The following GRK6 variants were observed in gnomAD, a reference collection of about 807,000 sequenced individuals.
The protein encoded by GRK6 is G protein-coupled receptor kinase 6.
A neutral mutation model predicts 80.8 loss-of-function variants in GRK6; 37 were observed. That is an observed-to-expected ratio of 0.46 (90% confidence interval 0.35 to 0.60). GRK6 has a LOEUF of 0.60. Among genes scored for constraint, GRK6 ranks in the 20% least tolerant of loss-of-function variants. The pLI is 0.00. For synonymous variants in GRK6, 295 were observed against 320.9 expected (o/e 0.92, Z 0.86); for missense variants, 560 against 784.6 (o/e 0.71, Z 3.42).
Position 177,429,679 on chromosome 5 carries a change from A to C in GRK6, c.53-1193A>C, listed in dbSNP as rs1021519311. On this transcript the variant is annotated intron_variant, in intron 1 of 15. Transcript: ENST00000355472. The surrounding 1 kb of genome is among the most constrained non-coding windows in gnomAD (Gnocchi z 4.3). ...AGAAGGCAACTTCTGCCCTTGTACC[A>C]CCTGCCCTCACCCAGGCCAGATGGA... Among the ~76,000 whole-genome samples the C allele has an allele frequency of 5.3e-5, 8 of 152,112 alleles. No homozygotes were observed. The highest frequency in any genetic ancestry group is 5.2e-4 in the Admixed American group (8 of 15,282).
chr5:177,432,009 A>T lies in GRK6; in HGVS notation c.163A>T (p.Ser55Cys), dbSNP rs1419280955. The change falls in exon 3 of 16, where the codon AGC (serine) becomes TGC (cysteine). Residue 55 changes from serine to cysteine, a missense_variant. Transcript: ENST00000355472. ...LRLSLERDYH[S>C]LCERQPIGRL... ...ACTGCCAACAGAGCGTGACTATCAC[A>T]GCCTGTGCGAGCGGCAGCCCATTGG... 6.2e-7 allele frequency: 1 copy of T among 1,613,318 alleles called. No homozygotes were observed. The highest frequency in any genetic ancestry group is 8.5e-7 in the Non-Finnish European group (1 of 1,179,866).
chr5:177,433,564 G>A lies in GRK6; in HGVS notation c.626G>A (p.Gly209Asp), dbSNP rs1330865468. The A allele has an allele frequency of 6.2e-7, 1 of 1,614,118 alleles. No homozygotes were observed. The highest frequency in any genetic ancestry group is 1.7e-5 in the Admixed American group (1 of 60,030). Residue 209 changes from glycine (G) to aspartate (D), a missense_variant, in exon 8 of 16, where the codon GGT becomes GAT. By Grantham distance (94) the Gly-to-Asp change is moderately conservative. Transcript: ENST00000355472. ...TGCGCCTGCCAGGTGCGGGCCACAG[G>A]TAAGATGTATGCCTGCAAGAAGCTA... ...EVCACQVRAT[G>D]KMYACKKLEK...
chr5:177,441,647 T>C, intron 15 of GRK6, 90 bp from the exon 16 acceptor site: 5 of 1,107,490 alleles, frequency 4.5e-6, no homozygotes, highest in Non-Finnish European at 6.9e-6. Context: ...TGGCCTGCCC[T>C]GGCAGGGTCG....
intron 13 of GRK6, among the ~76,000 whole-genome samples, chr5:177,440,299 G>C (rs1218602067): frequency 6.6e-6 from 1 of 152,234 alleles, no homozygotes; most frequent in African/African-American, 2.4e-5. Flanking sequence ...GCAAGTCCCA[G>C]GTCATCGCAG....
At chr5:177,439,931 G>C (rs932808642) in intron 13 of GRK6, 2 of 152,272 alleles carry the variant, frequency 1.3e-5, no homozygotes, top group East Asian at 1.9e-4. Flanking sequence ...TCAGTTGGTA[G>C]ACATTAAGAT....
chr5:177,441,272 T>A, intron 15 of GRK6: 1 of 1,562,566 alleles, frequency 6.4e-7, no homozygotes, highest in Non-Finnish European at 8.7e-7. Context: ...TCCCCGTGGG[T>A]TGGCCTTGCT....
chr5:177,440,859 G>A (rs766600120), intron 14 of GRK6, 22 bp downstream of exon 14: 1 of 1,613,822 alleles, frequency 6.2e-7, no homozygotes, highest in Non-Finnish European at 8.5e-7. Flanking sequence ...CCCTGCTGGT[G>A]GGGTGGGCTC....
rs1347266991 is a variant in GRK6 at position 177,442,035 on chromosome 5, A to G, written c.*245A>G. 1 of 557,450 alleles carries G rather than the reference A, an allele frequency of 1.8e-6. No homozygotes were observed. The highest frequency in any genetic ancestry group is 1.9e-5 in the African/African-American group (1 of 51,552). The allele number at this position is 557,450 out of a possible 1,614,324, so 34.5% of individuals were successfully genotyped here. A position where few individuals can be genotyped will look rare whatever the true frequency, so the allele number is the denominator to read the frequency against. On this transcript the variant is annotated 3_prime_UTR_variant, in exon 16 of 16. Coordinates refer to ENST00000355472, the MANE Select transcript of GRK6 (RefSeq NM_001004106.3). ...CTCCGTGGAGCTCGGGGCTTTCTGT[A>G]TTTATGTATTTGTACGAATGTATAT...
intron 9 of GRK6, among the ~76,000 whole-genome samples, 158 bp downstream of exon 9, chr5:177,434,262 C>T (rs1764039337): frequency 6.6e-6 from 1 of 152,182 alleles, no homozygotes; most frequent in African/African-American, 2.4e-5. Context: ...GCCAGGCCAA[C>T]CTGAGTAGCC....
rs891665156 is a variant in GRK6 at position 177,442,176 on chromosome 5, C to T, written c.*386C>T. The T allele has an allele frequency of 3.7e-6, 1 of 269,576 alleles. No individual in the cohort carries two copies. Among genetic ancestry groups the T allele is most frequent in the African/African-American group, 2.3e-5 (1 of 43,866 alleles). The allele number at this position is 269,576 out of a possible 1,614,324, so 16.7% of individuals were successfully genotyped here. On this transcript the variant is annotated 3_prime_UTR_variant, in exon 16 of 16. Transcript: ENST00000355472. ...CTGGCAGAGGAGCCACTGCCAAACT[C>T]AAGGCTCCTCTGGCCCAGCTTGGAT...
At chr5:177,430,797 G>A (rs551634931) in intron 1 of GRK6, 75 bp from the exon 2 acceptor site, 31 of 1,331,444 alleles carry the variant, frequency 2.3e-5, no homozygotes, top group South Asian at 7.3e-5. Flanking sequence ...CCTAGAGGCC[G>A]TGGACCGCAC....
chr5:177,436,477 C>T lies in GRK6; in HGVS notation c.1351C>T (p.Leu451=). 1.2e-6 allele frequency: 2 copies of T among 1,611,546 alleles called. No individual in the cohort carries two copies. Among genetic ancestry groups the T allele is most frequent in the Non-Finnish European group, 1.7e-6 (2 of 1,179,042 alleles). Residue 451 remains leucine, a synonymous_variant, in exon 13 of 16, where the codon CTG becomes TTG. Coordinates refer to ENST00000355472, the MANE Select transcript of GRK6 (RefSeq NM_001004106.3). ...EVKEHPLFKK[L]NFKRLGAGML... is the part of the protein sequence containing the mutation. ...GAAGGAGCACCCCCTCTTTAAGAAG[C>T]TGAACTTCAAGCGGCTGGGAGCTGG... is the stretch of plus-strand genomic sequence containing the variant.
Position 177,430,956 on chromosome 5 carries a change from G to A in GRK6, c.137G>A (p.Arg46Gln). 5.0e-6 allele frequency: 8 copies of A among 1,613,506 alleles called. No homozygotes were observed. The highest frequency in any genetic ancestry group is 5.9e-6 in the Non-Finnish European group (7 of 1,179,796). ...FPHISQCEEL[R>Q]LSLERDYHSL... ...CACATCAGCCAGTGCGAAGAGCTGC[G>A]GCTCAGCCTCGGTGAGGCCTGGGCA... Residue 46 changes from arginine to glutamine, a missense_variant, in exon 2 of 16, where the codon CGG (arginine) becomes CAG (glutamine). This residue lies in a region of GRK6 where 189 missense variants were observed against 230.2 expected (regional missense o/e 0.82). Transcript: ENST00000355472.
At chr5:177,434,434 G>A (rs185082370) in intron 9 of GRK6, among the ~76,000 whole-genome samples, 1 of 152,330 alleles carries the variant, frequency 6.6e-6, no homozygotes, top group East Asian at 1.9e-4. Context: ...GTTGTTAGAA[G>A]TAGGCCCAAC....
At chr5:177,439,643 A>T (rs1410231516) in intron 13 of GRK6, among the ~76,000 whole-genome samples, 2 of 151,872 alleles carry the variant, frequency 1.3e-5, no homozygotes, top group Non-Finnish European at 2.9e-5. Flanking sequence ...CTCTGCAAAA[A>T]AAAAAAAAAC....
chr5:177,436,270 C>G lies in GRK6; in HGVS notation c.1255C>G (p.Leu419Val). The G allele has an allele frequency of 6.2e-7, 1 of 1,614,138 alleles. No homozygotes were observed. The highest frequency in any genetic ancestry group is 1.1e-5 in the South Asian group (1 of 91,090). ...GCGCTTTTCCCCGCAGGCCCGCTCA[C>G]TTTGCTCACAGGTACGGCAGCTCAC... ...SERFSPQARSLCSQLLCKDPA... is the reference protein window; with the variant it reads ...SERFSPQARSVCSQLLCKDPA... Residue 419 changes from leucine to valine, a missense_variant, in exon 12 of 16, where the codon CTT becomes GTT. This residue lies in a region of GRK6 where 294 missense variants were observed against 397.4 expected (regional missense o/e 0.74). Transcript: ENST00000355472.
chr5:177,426,508 C>T (rs1158711287), upstream of GRK6: 1 of 152,146 alleles, frequency 6.6e-6, no homozygotes, highest in Non-Finnish European at 1.5e-5. Context: ...TTGGTCCCGC[C>T]CCCGTACTTC....
intron 2 of GRK6, chr5:177,431,683 A>G (rs1445417234): frequency 5.4e-6 from 2 of 371,360 alleles, no homozygotes; most frequent in African/African-American, 4.3e-5. Flanking sequence ...GACCGCACCC[A>G]ACCCCAGTAC....
chr5:177,433,169 G>T lies in GRK6; in HGVS notation c.463G>T (p.Val155Leu). The T allele has an allele frequency of 1.9e-6, 3 of 1,614,070 alleles. No homozygotes were observed. The highest frequency in any genetic ancestry group is 2.5e-6 in the Non-Finnish European group (3 of 1,180,010). ...CAGGCTGACCCACGAGTACCTGAGC[G>T]TGGCCCCTTTTGCCGACTACCTCGA... ...LTRLTHEYLSVAPFADYLDSI... is the reference protein window; with the variant it reads ...LTRLTHEYLSLAPFADYLDSI... The change falls in exon 6 of 16, where the codon GTG becomes TTG. Residue 155 changes from valine to leucine, a missense_variant. This residue lies in a region of GRK6 where 189 missense variants were observed against 230.2 expected (regional missense o/e 0.82). Transcript: ENST00000355472.
Sources: allele counts gnomAD v4.1 joint callset (sites outside exome capture counted in the v4.1 genomes callset), GRCh38; gene constraint gnomAD v4.1.1; regional missense constraint gnomAD v4.1.1; non-coding constraint Gnocchi (gnomAD v3.1); transcripts MANE v1.5; gene names NCBI Gene and HGNC (gene_info 2026-07-23, HGNC 2026-07-21).